The following KPNA3 variants were observed in gnomAD, a reference collection of about 807,000 sequenced individuals.
The protein encoded by KPNA3 is importin subunit alpha-4.
KPNA3 carries 13 observed loss-of-function variants against 73.8 expected under a neutral mutation model. That is an observed-to-expected ratio of 0.18 (90% CI 0.11 to 0.28). The LOEUF (loss-of-function observed/expected upper bound fraction) is 0.28. Ranked by LOEUF, KPNA3 falls within the 10% of genes least tolerant of loss-of-function variation. The probability of loss-of-function intolerance (pLI) is 1.00; values close to 1 mark genes in which losing one functional copy is unlikely to be tolerated. For synonymous variants in KPNA3, 186 were observed against 206.9 expected, an observed-to-expected ratio of 0.90 and a Z score of 0.87; for missense variants, 360 against 618.1, an observed-to-expected ratio of 0.58 and a Z score of 4.43.
In KPNA3 at chr13:49,784,914, A is replaced by G. The variant is rs755373443; in HGVS notation, c.69+7524T>C. Among the ~76,000 whole-genome samples the G allele has an allele frequency of 3.7e-4, 56 of 152,152 alleles. 1 individual carries two copies. Among genetic ancestry groups the G allele is most frequent in the African/African-American group, 7.2e-4 (30 of 41,424 alleles). ...AAATCTAATTAAAATACATTATCAT[A>G]ATTGCAACGAGAAAGATACACTCAG... On this transcript the variant is annotated intron_variant, in intron 1 of 16. Coordinates refer to ENST00000261667, the MANE Select transcript of KPNA3 (RefSeq NM_002267.4).
At chr13:49,759,496 T>C (rs1295467742) in intron 1 of KPNA3, among the ~76,000 whole-genome samples, 1 of 152,176 alleles carries the variant, frequency 6.6e-6, no homozygotes, top group African/African-American at 2.4e-5. Flanking sequence ...TAATATGAAA[T>C]AATTACACAA....
chr13:49,790,000 C>T (rs1955019379), intron 1 of KPNA3, among the ~76,000 whole-genome samples: 1 of 151,376 alleles, frequency 6.6e-6, no homozygotes, highest in Admixed American at 6.6e-5. Context: ...TGTTGTTCTG[C>T]ATTGTAATTA....
chr13:49,768,278 CAAAAAA>C (rs35217633), intron 1 of KPNA3, among the ~76,000 whole-genome samples: 1 of 94,838 alleles, frequency 1.1e-5, no homozygotes, highest in Non-Finnish European at 2.1e-5. Context: ...GACTCTGTCT[CAAAAAA>C]AAAAAAAAAA....
intron 1 of KPNA3, among the ~76,000 whole-genome samples, chr13:49,763,811 A>C (rs911785850): frequency 6.6e-6 from 1 of 152,190 alleles, no homozygotes; most frequent in African/African-American, 2.4e-5. Flanking sequence ...GGGCACCAGC[A>C]ATCCCAGCAC....
chr13:49,746,859 T>C, intron 2 of KPNA3, 90 bp downstream of exon 2: 1 of 905,166 alleles, frequency 1.1e-6, no homozygotes, highest in Non-Finnish European at 1.8e-6. Flanking sequence ...TGACCACTAA[T>C]TTGCCACAGT....
chr13:49,717,361 C>A (rs886879548), intron 10 of KPNA3, among the ~76,000 whole-genome samples: 7 of 141,250 alleles, frequency 5.0e-5, no homozygotes, highest in Non-Finnish European at 1.1e-4. Context: ...ACTCGGGAGG[C>A]GGAGGTTGCA....
chr13:49,786,731 G>A (rs1210994376), intron 1 of KPNA3, among the ~76,000 whole-genome samples: 3 of 152,126 alleles, frequency 2.0e-5, no homozygotes. Flanking sequence ...GGAGATATAA[G>A]GAAAAGTGCA....
intron 6 of KPNA3, among the ~76,000 whole-genome samples, chr13:49,731,891 G>A (rs1954473520): frequency 6.6e-6 from 1 of 152,066 alleles, no homozygotes; most frequent in Non-Finnish European, 1.5e-5. Flanking sequence ...GTCTGACATT[G>A]GACAACTTAT....
chr13:49,744,413 G>A (rs1954599391), intron 2 of KPNA3, among the ~76,000 whole-genome samples: 1 of 152,158 alleles, frequency 6.6e-6, no homozygotes, highest in African/African-American at 2.4e-5. Flanking sequence ...TTATGCTTAT[G>A]TTAATGTTTA....
chr13:49,760,190 G>T (rs573579303), intron 1 of KPNA3, among the ~76,000 whole-genome samples: 5 of 152,040 alleles, frequency 3.3e-5, no homozygotes, highest in African/African-American at 1.2e-4. Flanking sequence ...CAAGAAGACT[G>T]CTTGAGCTCA....
At chr13:49,764,430 A>C (rs530334643) in intron 1 of KPNA3, among the ~76,000 whole-genome samples, 10 of 152,264 alleles carry the variant, frequency 6.6e-5, no homozygotes, top group African/African-American at 2.4e-4. Flanking sequence ...TTTTGCACAA[A>C]AAGCTACTGC....
In KPNA3 at chr13:49,748,716, T is replaced by C. The variant is rs562739091; in HGVS notation, c.70-1723A>G. Among the ~76,000 whole-genome samples, 177 of 152,220 alleles carry C rather than the reference T, an allele frequency of 1.2e-3. 1 individual carries two copies. Among genetic ancestry groups the C allele is most frequent in the Non-Finnish European group, 1.4e-3 (96 of 67,956 alleles). ...CAAAATTCAAATTAGTCATATTCAT[T>C]TCATGTGATGGAATTATATACTGAT... is the stretch of plus-strand genomic sequence containing the variant. On this transcript the variant is annotated intron_variant, in intron 1 of 16. Coordinates refer to ENST00000261667, the MANE Select transcript of KPNA3 (RefSeq NM_002267.4).
intron 1 of KPNA3, among the ~76,000 whole-genome samples, chr13:49,757,958 C>T (rs1019193196): frequency 2.6e-4 from 40 of 152,176 alleles, no homozygotes; most frequent in African/African-American, 9.6e-4. Context: ...TTATATTTTA[C>T]AACTGCATGT....
At chr13:49,718,488 A>G (rs1428741836) in intron 10 of KPNA3, among the ~76,000 whole-genome samples, 1 of 152,208 alleles carries the variant, frequency 6.6e-6, no homozygotes, top group Non-Finnish European at 1.5e-5. Flanking sequence ...CCTATAATTA[A>G]TTCTATAATG....
chr13:49,788,846 C>A (rs995078550), intron 1 of KPNA3, among the ~76,000 whole-genome samples: 2 of 150,252 alleles, frequency 1.3e-5, no homozygotes, highest in East Asian at 3.9e-4. Flanking sequence ...CTCCAAATTT[C>A]TATCAGTGAT....
At chr13:49,781,726 G>T (rs1954942226) in intron 1 of KPNA3, among the ~76,000 whole-genome samples, 1 of 152,264 alleles carries the variant, frequency 6.6e-6, no homozygotes, top group African/African-American at 2.4e-5. Flanking sequence ...ACTTGTTAAG[G>T]TTTGTCCAGG....
chr13:49,792,420 C>T lies in KPNA3; in HGVS notation c.69+18G>A, dbSNP rs1345162426. 6.4e-7 allele frequency: 1 copy of T among 1,552,942 alleles called. No individual in the cohort carries two copies. ...GCCGGCGCGGCCAGGCGGGCCCAGA[C>T]CGCGGAAGCACACTCACTTCCACAT... On this transcript the variant is annotated intron_variant, in intron 1 of 16. Coordinates refer to ENST00000261667, the MANE Select transcript of KPNA3 (RefSeq NM_002267.4).
At chr13:49,716,967 T>C (rs1017238758) in intron 10 of KPNA3, among the ~76,000 whole-genome samples, 1 of 152,150 alleles carries the variant, frequency 6.6e-6, no homozygotes, top group African/African-American at 2.4e-5. Flanking sequence ...GAACAACAAG[T>C]TCCAAGTTCT....
At chr13:49,771,929 T>C (rs922060895) in intron 1 of KPNA3, among the ~76,000 whole-genome samples, 2 of 152,190 alleles carry the variant, frequency 1.3e-5, no homozygotes, top group African/African-American at 2.4e-5. Context: ...TTTTGGGAAG[T>C]ATAGGCATGT....
Sources: allele counts gnomAD v4.1 joint callset (sites outside exome capture counted in the v4.1 genomes callset), GRCh38; gene constraint gnomAD v4.1.1; transcripts MANE v1.5; gene names NCBI Gene and HGNC (gene_info 2026-07-23, HGNC 2026-07-21).